The following TM9SF2 variants were observed in gnomAD, a reference collection of about 807,000 sequenced individuals.
TM9SF2 encodes the protein transmembrane 9 superfamily member 2, also known as 76 kDa membrane protein.
A neutral mutation model predicts 84.9 loss-of-function variants in TM9SF2; 13 were observed. The ratio of observed to expected loss-of-function variants is 0.15; its 90% CI spans 0.10 to 0.24. The LOEUF is 0.24. Among genes scored for constraint, TM9SF2 ranks in the 10% least tolerant of loss-of-function variants. The pLI is 1.00. For missense variants in TM9SF2, 562 were observed against 818.5 expected (o/e 0.69, Z 3.82); for synonymous variants, 273 against 285.8 (o/e 0.96, Z 0.45).
chr13:99,511,361 A>G (rs2046113032), intron 1 of TM9SF2, among the ~76,000 whole-genome samples: 1 of 152,136 alleles, frequency 6.6e-6, no homozygotes, highest in Admixed American at 6.5e-5. Context: ...GAAGCTCTTT[A>G]TTGAACTATA....
intron 11 of TM9SF2, among the ~76,000 whole-genome samples, chr13:99,547,607 TTAC>T (rs566293942): frequency 1.2e-3 from 190 of 152,344 alleles, no homozygotes; most frequent in African/African-American, 4.5e-3. Flanking sequence ...ACCTGGAAAG[TTAC>T]TTTTGTAATA....
intron 16 of TM9SF2, among the ~76,000 whole-genome samples, chr13:99,560,360 G>A (rs4365162): frequency 2.0e-5 from 3 of 152,146 alleles, no homozygotes; most frequent in South Asian, 2.1e-4. Context: ...CTCTGCTGCT[G>A]TCTCAGGCTT....
chr13:99,544,864 A>C (rs1453833983), intron 10 of TM9SF2, among the ~76,000 whole-genome samples: 1 of 152,176 alleles, frequency 6.6e-6, no homozygotes, highest in Non-Finnish European at 1.5e-5. Flanking sequence ...AATTTTTGCC[A>C]ACTAGGACAA....
At chr13:99,540,495 CTTTT>C (rs201378003) in intron 7 of TM9SF2, 630 of 140,978 alleles carry the variant, frequency 4.5e-3, no homozygotes, top group East Asian at 9.3e-3. Context: ...ACTAGGAATT[CTTTT>C]TTTTTTTTTT....
intron 9 of TM9SF2, 44 bp from the exon 10 acceptor site, chr13:99,543,819 G>A: frequency 6.2e-7 from 1 of 1,605,164 alleles, no homozygotes; most frequent in Non-Finnish European, 8.5e-7. Flanking sequence ...TAGTTGTCTT[G>A]TTGATACCAT....
intron 11 of TM9SF2, 46 bp downstream of exon 11, chr13:99,547,150 T>C (rs1566571902): frequency 6.2e-7 from 1 of 1,605,208 alleles, no homozygotes; most frequent in Non-Finnish European, 8.5e-7. Flanking sequence ...GAAGGGACTC[T>C]GCTGCGGCTG....
At chr13:99,526,446 G>A (rs2046183929) in intron 3 of TM9SF2, among the ~76,000 whole-genome samples, 1 of 152,212 alleles carries the variant, frequency 6.6e-6, no homozygotes. Context: ...CTTGCACAGG[G>A]GGCATGTGAG....
At chr13:99,507,351 T>C (rs1489915461) in intron 1 of TM9SF2, among the ~76,000 whole-genome samples, 1 of 152,206 alleles carries the variant, frequency 6.6e-6, no homozygotes, top group East Asian at 1.9e-4. Flanking sequence ...TCTGTATCTA[T>C]TATATGTAAT....
At chr13:99,540,076 T>G (rs1363828377) in intron 7 of TM9SF2, among the ~76,000 whole-genome samples, 1 of 152,214 alleles carries the variant, frequency 6.6e-6, no homozygotes, top group Non-Finnish European at 1.5e-5. Context: ...GAACTTTAAA[T>G]GAAGAGTTTC....
rs773881377 is a variant in TM9SF2, at chr13:99,501,786, G to A, written c.171+9G>A. 1.9e-5 allele frequency: 30 copies of A among 1,605,874 alleles called. No individual in the cohort carries two copies. The East Asian group carries it at 6.8e-4, about 36-fold the overall frequency. ...AGAGCGACGAGTGCAAGGTGGGTGA[G>A]GCCTGACGAGCCCTCTGATGCACTG... On this transcript the variant is annotated intron_variant, in intron 1 of 16. Transcript: ENST00000376387.
At chr13:99,504,219 A>C (rs1008760062) in intron 1 of TM9SF2, among the ~76,000 whole-genome samples, 1 of 152,264 alleles carries the variant, frequency 6.6e-6, no homozygotes, top group Admixed American at 6.5e-5. Context: ...AGTCTTGTAC[A>C]CATTATTCAG....
chr13:99,514,580 T>C (rs1038014941), intron 1 of TM9SF2, among the ~76,000 whole-genome samples: 6 of 152,220 alleles, frequency 3.9e-5, no homozygotes, highest in African/African-American at 1.4e-4. Flanking sequence ...AACACGTTTC[T>C]CCAAACACAT....
intron 1 of TM9SF2, among the ~76,000 whole-genome samples, chr13:99,507,690 G>A (rs1352469637): frequency 6.6e-6 from 1 of 152,152 alleles, no homozygotes; most frequent in Non-Finnish European, 1.5e-5. Flanking sequence ...TCTTCAGGAA[G>A]GCGCCACTGT....
chr13:99,508,320 A>T (rs1016581906), intron 1 of TM9SF2, among the ~76,000 whole-genome samples: 2 of 151,676 alleles, frequency 1.3e-5, no homozygotes, highest in African/African-American at 4.9e-5. Context: ...GTCTCTATTT[A>T]AGGCAAATTT....
At position 99,508,441 on chromosome 13, in the gene TM9SF2, A is replaced by ACACACACACACC. The variant is rs893789204; in HGVS notation, c.171+6667_171+6668insACACACACCCAC. On this transcript the variant is annotated intron_variant, in intron 1 of 16. Transcript: ENST00000376387. ...CACACACACACACACACACACACAC[A>ACACACACACACC]CACCCCAGAGATTCAGTAGCTACTC... Among the ~76,000 whole-genome samples the ACACACACACACC allele has an allele frequency of 1.1e-4, 16 of 149,046 alleles. No homozygotes were observed. In the South Asian group the frequency reaches 1.3e-3, roughly 12 times the overall value.
chr13:99,542,509 A>G (rs2046264709), intron 9 of TM9SF2, among the ~76,000 whole-genome samples: 1 of 152,178 alleles, frequency 6.6e-6, no homozygotes, highest in Non-Finnish European at 1.5e-5. Context: ...CAGCATAATA[A>G]AAGAATTTTC....
intron 2 of TM9SF2, among the ~76,000 whole-genome samples, chr13:99,518,169 T>C (rs959867022): frequency 2.6e-5 from 4 of 152,252 alleles, no homozygotes; most frequent in Non-Finnish European, 2.9e-5. Context: ...TCAAGTACAG[T>C]GGCGCAATCT....
At chr13:99,528,340 A>G (rs938068162) in intron 3 of TM9SF2, among the ~76,000 whole-genome samples, 8 of 152,212 alleles carry the variant, frequency 5.3e-5, no homozygotes, top group Non-Finnish European at 5.9e-5. Flanking sequence ...TCTCATCTGT[A>G]AAAGATGAAT....
chr13:99,534,696 A>T (rs1211077962), intron 4 of TM9SF2, among the ~76,000 whole-genome samples: 6 of 152,352 alleles, frequency 3.9e-5, no homozygotes, highest in Non-Finnish European at 2.9e-5. Flanking sequence ...AAAGGAAAGG[A>T]GTTCTTCGTG....
Sources: allele counts gnomAD v4.1 joint callset (sites outside exome capture counted in the v4.1 genomes callset), GRCh38; gene constraint gnomAD v4.1.1; transcripts MANE v1.5; gene names NCBI Gene and HGNC (gene_info 2026-07-23, HGNC 2026-07-21).